SFMBT2: variants seen among roughly 807,000 people sequenced by gnomAD.
SFMBT2 encodes the protein scm-like with four MBT domains protein 2.
A neutral mutation model predicts 110.1 loss-of-function variants in SFMBT2; 38 were observed. The observed-to-expected ratio is 0.35, with a 90% CI of 0.27 to 0.45. SFMBT2 has a LOEUF of 0.45. Ranked by LOEUF, SFMBT2 falls within the 20% of genes least tolerant of loss-of-function variation. SFMBT2 has a pLI of 1.00. For synonymous variants in SFMBT2, 425 were observed against 425.4 expected, an observed-to-expected ratio of 1.00 and a Z score of 0.01; for missense variants, 1,011 against 1,094.9, an observed-to-expected ratio of 0.92 and a Z score of 1.08.
intron 11 of SFMBT2, among the ~76,000 whole-genome samples, chr10:7,219,300 C>A (rs1284927652): frequency 6.6e-6 from 1 of 152,160 alleles, no homozygotes; most frequent in Non-Finnish European, 1.5e-5. Flanking sequence ...ACTTGAAAAC[C>A]TACTAAGCAA....
intron 4 of SFMBT2, among the ~76,000 whole-genome samples, chr10:7,357,326 C>T (rs1427581482): frequency 6.6e-6 from 1 of 152,156 alleles, no homozygotes; most frequent in Non-Finnish European, 1.5e-5. Context: ...TTGGATGCGA[C>T]TAACATTTAA....
intron 8 of SFMBT2, among the ~76,000 whole-genome samples, chr10:7,244,652 A>C (rs1535863): frequency 0.54 from 82,101 of 152,038 alleles, 23,197 homozygotes; most frequent in East Asian, 0.86. Flanking sequence ...TTAGTATCTA[A>C]AACAGGCCAG....
chr10:7,301,872 A>T lies in SFMBT2; in HGVS notation c.437-15918T>A, dbSNP rs913804688. Among the ~76,000 whole-genome samples the T allele has an allele frequency of 2.6e-5, 4 of 151,984 alleles. No homozygotes were observed. The highest frequency in any genetic ancestry group is 1.9e-4 in the East Asian group (1 of 5,178). On this transcript the variant is annotated intron_variant, in intron 4 of 20. Coordinates refer to ENST00000397167, the MANE Select transcript of SFMBT2 (RefSeq NM_001387889.1). This position sits in a 1 kb window ranked among gnomAD's most constrained non-coding sequence, Gnocchi z 4.2. ...AAAAACCACTGGTGTAGAATTTTTTAAAAAACCGTTTTGGGCTGGGAGACC... is the reference window on the plus strand; with the variant it reads ...AAAAACCACTGGTGTAGAATTTTTTTAAAAACCGTTTTGGGCTGGGAGACC...
At chr10:7,373,497 A>C (rs1289582376) in intron 2 of SFMBT2, among the ~76,000 whole-genome samples, 1 of 152,166 alleles carries the variant, frequency 6.6e-6, no homozygotes, top group Non-Finnish European at 1.5e-5. Context: ...CACAGGGGCA[A>C]TCTTGAGAGC....
At chr10:7,241,866 T>A (rs776396105) in intron 9 of SFMBT2, among the ~76,000 whole-genome samples, 1 of 152,216 alleles carries the variant, frequency 6.6e-6, no homozygotes, top group East Asian at 1.9e-4. Flanking sequence ...AATGCTGATA[T>A]AAATACTTTT....
Position 7,381,908 on chromosome 10 carries a change from G to A in SFMBT2, c.-10C>T. On this transcript the variant is annotated 5_prime_UTR_variant, in exon 2 of 21. Coordinates refer to ENST00000397167, the MANE Select transcript of SFMBT2 (RefSeq NM_001387889.1). Reference sequence around the variant, plus strand: ...ACAAAGTGCTCTCCATGCCTGATGAGCAAGTGTCTCTTCTCTTAATTCATC... The same window carrying A: ...ACAAAGTGCTCTCCATGCCTGATGAACAAGTGTCTCTTCTCTTAATTCATC... The A allele has an allele frequency of 6.4e-7, 1 of 1,573,666 alleles. No individual in the cohort carries two copies. Among genetic ancestry groups the A allele is most frequent in the Non-Finnish European group, 8.7e-7 (1 of 1,156,052 alleles).
intron 16 of SFMBT2, 129 bp from the exon 17 acceptor site, chr10:7,176,294 T>C (rs1357235874): frequency 5.6e-6 from 6 of 1,068,356 alleles, no homozygotes; most frequent in Middle Eastern, 2.2e-4. Flanking sequence ...CAGTTTCCCA[T>C]GTTGCTTCTG....
At chr10:7,278,215 A>C (rs1276612225) in intron 6 of SFMBT2, among the ~76,000 whole-genome samples, 1 of 151,190 alleles carries the variant, frequency 6.6e-6, no homozygotes, top group Non-Finnish European at 1.5e-5. Flanking sequence ...AATTGGGAAC[A>C]CTCAATGGGC....
At chr10:7,369,821 G>A (rs1227729510) in intron 3 of SFMBT2, among the ~76,000 whole-genome samples, 1 of 152,032 alleles carries the variant, frequency 6.6e-6, no homozygotes, top group East Asian at 1.9e-4. Context: ...CTAACTTCCA[G>A]GTCTCCTCCT....
intron 17 of SFMBT2, 53 bp downstream of exon 17, chr10:7,175,937 T>A: frequency 2.0e-6 from 3 of 1,510,036 alleles, no homozygotes; most frequent in Non-Finnish European, 2.7e-6. Context: ...TACCTTAGAG[T>A]GCAGTTTAGG....
intron 10 of SFMBT2, among the ~76,000 whole-genome samples, chr10:7,222,788 G>T (rs1164724479): frequency 6.6e-6 from 1 of 151,996 alleles, no homozygotes; most frequent in Non-Finnish European, 1.5e-5. Context: ...TCCTGCCTCA[G>T]CATCCTGAGT....
At position 7,271,212 on chromosome 10, in the gene SFMBT2, C is replaced by A. The variant is rs1841567826; in HGVS notation, c.870+5680G>T. ...CTGAGGCAGGAGAATCTCTTGAACC[C>A]AGGAGGCAGAGGTTGCAGGGGGCCA... On this transcript the variant is annotated intron_variant, in intron 7 of 20. Transcript: ENST00000397167. Among the ~76,000 whole-genome samples, 5 of 143,158 alleles carry A rather than the reference C, an allele frequency of 3.5e-5. No homozygotes were observed. In the Admixed American group the frequency reaches 3.8e-4, roughly 11 times the overall value. The allele number at this position is 143,158 out of a possible 152,430, so 93.9% of individuals were successfully genotyped here. A position where few individuals can be genotyped will look rare whatever the true frequency, so the allele number is the denominator to read the frequency against.
chr10:7,283,614 T>C (rs1842007923), intron 6 of SFMBT2, among the ~76,000 whole-genome samples: 1 of 152,174 alleles, frequency 6.6e-6, no homozygotes. Context: ...ACGTGGAGAA[T>C]ATCCTCAAGT....
intron 4 of SFMBT2, among the ~76,000 whole-genome samples, chr10:7,316,699 G>A (rs550124320): frequency 2.6e-5 from 4 of 152,332 alleles, no homozygotes; most frequent in African/African-American, 7.2e-5. Flanking sequence ...CATCGTGCCT[G>A]TAAATGAAGA....
chr10:7,180,281 C>T (rs1243313248), intron 16 of SFMBT2, among the ~76,000 whole-genome samples: 1 of 146,916 alleles, frequency 6.8e-6, no homozygotes, highest in African/African-American at 2.5e-5. Flanking sequence ...CCCACCACCA[C>T]GCCTATAGTG....
intron 1 of SFMBT2, among the ~76,000 whole-genome samples, chr10:7,397,649 C>A (rs748923186): frequency 1.3e-5 from 2 of 152,216 alleles, no homozygotes; most frequent in African/African-American, 2.4e-5. Context: ...TGAGCCGAAT[C>A]TTGGTCTCTG....
At chr10:7,319,781 A>G (rs556874515) in intron 4 of SFMBT2, among the ~76,000 whole-genome samples, 6 of 150,234 alleles carry the variant, frequency 4.0e-5, no homozygotes, top group Non-Finnish European at 7.5e-5. Flanking sequence ...ACAGAGAGAG[A>G]GAGAGGGAGA....
At chr10:7,174,577 G>C (rs1773641398) in intron 17 of SFMBT2, among the ~76,000 whole-genome samples, 1 of 152,214 alleles carries the variant, frequency 6.6e-6, no homozygotes, top group Non-Finnish European at 1.5e-5. Flanking sequence ...ATGAGATCCG[G>C]AGACATCTCT....
intron 7 of SFMBT2, among the ~76,000 whole-genome samples, chr10:7,271,087 C>A (rs1456756939): frequency 6.6e-6 from 1 of 151,946 alleles, no homozygotes; most frequent in Non-Finnish European, 1.5e-5. Context: ...GAGTTCAAGA[C>A]CAGCCTGGCG....
Sources: gnomAD v4.1 joint callset for allele counts (sites outside exome capture counted in the v4.1 genomes callset) on GRCh38, gnomAD v4.1.1 for gene constraint, Gnocchi (gnomAD v3.1) non-coding constraint, MANE v1.5 for transcripts, NCBI Gene and HGNC (gene_info 2026-07-23, HGNC 2026-07-21) for gene names.